The following CEP162 variants were observed in gnomAD, a reference collection of about 807,000 sequenced individuals.
CEP162 encodes the protein centrosomal protein 162.
A neutral mutation model predicts 169.2 loss-of-function variants in CEP162; 141 were observed. That is an observed-to-expected ratio of 0.83 (90% CI 0.73 to 0.96). The LOEUF (loss-of-function observed/expected upper bound fraction) is 0.96. Ranked by LOEUF, CEP162 falls within the 40% of genes least tolerant of loss-of-function variation. The probability of loss-of-function intolerance (pLI) is 0.00; values close to 1 mark genes in which losing one functional copy is unlikely to be tolerated. For synonymous variants in CEP162, 540 were observed against 526.4 expected, an observed-to-expected ratio of 1.03 and a Z score of -0.35; for missense variants, 1,600 against 1,587.2, an observed-to-expected ratio of 1.01 and a Z score of -0.14.
At chr6:84,129,073 T>A (rs1195554814) in intron 25 of CEP162, among the ~76,000 whole-genome samples, 1 of 152,236 alleles carries the variant, frequency 6.6e-6, no homozygotes, top group Non-Finnish European at 1.5e-5. Context: ...TGCCACATTG[T>A]CTTTATCCAA....
At chr6:84,188,694 T>C (rs555163341) in intron 11 of CEP162, among the ~76,000 whole-genome samples, 8 of 151,850 alleles carry the variant, frequency 5.3e-5, no homozygotes, top group Admixed American at 2.0e-4. Context: ...GCAATGAACA[T>C]ATGCATGCAT....
chr6:84,167,359 T>A (rs116410142), intron 18 of CEP162, among the ~76,000 whole-genome samples: 1 of 152,196 alleles, frequency 6.6e-6, no homozygotes, highest in Non-Finnish European at 1.5e-5. Flanking sequence ...GTTTAATGTT[T>A]GTTTGAATTT....
Position 84,153,151 on chromosome 6 carries a change from T to C in CEP162, c.3023A>G (p.Gln1008Arg). Reference protein sequence around the residue: ...KIQYEQRLEQQEQLLACKLNQ... With the variant: ...KIQYEQRLEQREQLLACKLNQ... ...CAATTTGCAGGCAAGTAGCTGCTCC[T>C]GCTGCTCTAGTCTTTGTTCATACTG... Residue 1008 changes from glutamine (Q) to arginine (R), a missense_variant, in exon 23 of 27, where the codon CAG becomes CGG. Gln to Arg is a conservative substitution (Grantham distance 43). Transcript: ENST00000403245. 1.2e-6 allele frequency: 2 copies of C among 1,608,194 alleles called. No individual in the cohort carries two copies. The highest frequency in any genetic ancestry group is 1.7e-6 in the Non-Finnish European group (2 of 1,178,116).
chr6:84,125,234 T>C lies in CEP162; in HGVS notation c.4048A>G (p.Lys1350Glu), dbSNP rs2099508443. Reference protein sequence around the residue: ...THQVVETEQNKEVEKWKRLAQ... With the variant: ...THQVVETEQNEEVEKWKRLAQ... ...AGTCTTTTCCATTTTTCAACTTCTTTGTTTTGCTCAGTTTCTACTACTTGG... is the reference window on the plus strand; with the variant it reads ...AGTCTTTTCCATTTTTCAACTTCTTCGTTTTGCTCAGTTTCTACTACTTGG... The change falls in exon 27 of 27, where the codon AAA becomes GAA. Residue 1350 changes from lysine to glutamate, a missense_variant. Transcript: ENST00000403245. The C allele has an allele frequency of 6.2e-7, 1 of 1,613,582 alleles. No homozygotes were observed.
intron 8 of CEP162, 52 bp downstream of exon 8, chr6:84,201,685 C>A: frequency 2.2e-6 from 2 of 917,454 alleles, no homozygotes; most frequent in South Asian, 1.6e-5. Flanking sequence ...AGATGAAATT[C>A]TGAACAGACT....
chr6:84,160,921 C>T lies in CEP162; in HGVS notation c.2677-5G>A, dbSNP rs754167055. 6.4e-7 allele frequency: 1 copy of T among 1,563,456 alleles called. No homozygotes were observed. Among genetic ancestry groups the T allele is most frequent in the East Asian group, 2.2e-5 (1 of 44,622 alleles). ...TTCAGCTTTCAGTTTCTCAATCTGT[C>T]AATAAATAAATAACATGTTAAGAAG... On this transcript the variant is annotated splice_region_variant and splice_polypyrimidine_tract_variant and intron_variant, in intron 20 of 26. Coordinates refer to ENST00000403245, the MANE Select transcript of CEP162 (RefSeq NM_014895.4).
intron 16 of CEP162, among the ~76,000 whole-genome samples, chr6:84,172,203 T>A (rs1220792883): frequency 6.6e-6 from 1 of 152,188 alleles, no homozygotes; most frequent in Non-Finnish European, 1.5e-5. Flanking sequence ...CTCATACTTG[T>A]ATCTGCTACT....
intron 26 of CEP162, 146 bp from the exon 27 acceptor site, chr6:84,125,422 C>A (rs1049166269): frequency 2.9e-6 from 2 of 689,220 alleles, no homozygotes; most frequent in Admixed American, 2.7e-5. Flanking sequence ...CATTTTCTGT[C>A]TTCAAGGAGT....
At chr6:84,220,882 T>A (rs2099553460) in intron 3 of CEP162, among the ~76,000 whole-genome samples, 175 bp downstream of exon 3, 1 of 152,148 alleles carries the variant, frequency 6.6e-6, no homozygotes, top group Admixed American at 6.6e-5. Flanking sequence ...AGATTCTCAA[T>A]TACATAATAA....
intron 3 of CEP162, among the ~76,000 whole-genome samples, chr6:84,217,482 G>A (rs1296300998): frequency 6.6e-6 from 1 of 152,104 alleles, no homozygotes; most frequent in Non-Finnish European, 1.5e-5. Flanking sequence ...CAGCCTCTAA[G>A]CCAGGAAAAT....
intron 22 of CEP162, 117 bp from the exon 23 acceptor site, chr6:84,153,296 T>C: frequency 1.1e-6 from 1 of 883,738 alleles, no homozygotes; most frequent in East Asian, 2.7e-5. Flanking sequence ...TTATACATTC[T>C]GATGTCTACA....
chr6:84,215,510 G>A (rs917995997), intron 4 of CEP162, 45 bp from the exon 5 acceptor site: 7 of 1,392,670 alleles, frequency 5.0e-6, no homozygotes, highest in Admixed American at 2.9e-5. Context: ...ACAGAATTTT[G>A]AAAACATTGA....
intron 25 of CEP162, among the ~76,000 whole-genome samples, chr6:84,134,421 T>C (rs2099513008): frequency 6.6e-6 from 1 of 152,166 alleles, no homozygotes; most frequent in Non-Finnish European, 1.5e-5. Flanking sequence ...GCTAGCTCAG[T>C]GTCTGCCCAA....
chr6:84,200,116 G>A (rs1444726195), intron 9 of CEP162, among the ~76,000 whole-genome samples: 1 of 152,100 alleles, frequency 6.6e-6, no homozygotes, highest in Non-Finnish European at 1.5e-5. Flanking sequence ...AGCCTGGTGT[G>A]GTGGCAAGCG....
intron 15 of CEP162, 64 bp from the exon 16 acceptor site, chr6:84,174,252 G>C (rs1324805562): frequency 3.1e-6 from 4 of 1,295,912 alleles, no homozygotes; most frequent in Non-Finnish European, 4.3e-6. Context: ...AAGTGAGAAA[G>C]AATAACAGGA....
chr6:84,182,335 AGAG>A (rs1355539604), intron 13 of CEP162, among the ~76,000 whole-genome samples: 1 of 152,080 alleles, frequency 6.6e-6, no homozygotes, highest in Non-Finnish European at 1.5e-5. Flanking sequence ...ATTCTTAATA[AGAG>A]AAGACAATAA....
At chr6:84,176,302 GATTTC>G (rs901563440) in intron 13 of CEP162, among the ~76,000 whole-genome samples, 1 of 152,076 alleles carries the variant, frequency 6.6e-6, no homozygotes, top group African/African-American at 2.4e-5. Flanking sequence ...CTCACCAAAA[GATTTC>G]ATTTCAATTA....
In CEP162 at chr6:84,193,685, G is replaced by A; in HGVS notation, c.1033C>T (p.Pro345Ser). The change falls in exon 11 of 27, where the codon CCC becomes TCC. Residue 345 changes from proline to serine, a missense_variant. Pro to Ser is a moderately conservative substitution (Grantham distance 74). Coordinates refer to ENST00000403245, the MANE Select transcript of CEP162 (RefSeq NM_014895.4). ...GGTTTCATCAGCTCCTCTACTGTGG[G>A]CAGATCTAAGAGGTGGAAAAAAAAG... The part of the protein sequence containing the change: ...KNISTMESDL[P>S]TVEELMKPIR... 1.3e-6 allele frequency: 2 copies of A among 1,557,480 alleles called. No individual in the cohort carries two copies. Among genetic ancestry groups the A allele is most frequent in the Non-Finnish European group, 1.7e-6 (2 of 1,149,560 alleles).
chr6:84,165,528 T>C (rs555616736), intron 18 of CEP162, among the ~76,000 whole-genome samples: 2 of 152,266 alleles, frequency 1.3e-5, no homozygotes, highest in South Asian at 4.1e-4. Flanking sequence ...TTTATTATTG[T>C]TTCCTATGAC....
Sources: gnomAD v4.1 joint callset for allele counts (sites outside exome capture counted in the v4.1 genomes callset) on GRCh38, gnomAD v4.1.1 for gene constraint, MANE v1.5 for transcripts, NCBI Gene and HGNC (gene_info 2026-07-23, HGNC 2026-07-21) for gene names.